The following SPTLC2 variants were observed in gnomAD, a reference collection of about 807,000 sequenced individuals.
SPTLC2 encodes the protein serine palmitoyltransferase 2.
SPTLC2 carries 21 observed loss-of-function variants against 62.0 expected under a neutral mutation model. The ratio of observed to expected loss-of-function variants is 0.34; its 90% CI spans 0.24 to 0.49. SPTLC2 has a LOEUF of 0.49. Ranked by LOEUF, SPTLC2 falls within the 20% of genes least tolerant of loss-of-function variation. The pLI, the probability that SPTLC2 is intolerant of heterozygous loss-of-function variation, is 0.99. For missense variants in SPTLC2, 511 were observed against 713.0 expected (o/e 0.72, Z 3.23); for synonymous variants, 261 against 261.8 (o/e 1.00, Z 0.03).
intron 7 of SPTLC2, among the ~76,000 whole-genome samples, chr14:77,556,478 C>T (rs773454428): frequency 1.4e-5 from 2 of 142,454 alleles, no homozygotes; most frequent in Non-Finnish European, 3.1e-5. Flanking sequence ...TAAAATGACA[C>T]AAAAGAACAA....
At position 77,509,963 on chromosome 14, in the gene SPTLC2, CAGGTA is replaced by C; in HGVS notation, c.*2316_*2320del. ...ATGCAAGCCAAAATAAAAAGACTAG[CAGGTA>C]AGTTCATTGCTTATAAGTTTGTGAC... On this transcript the variant is annotated 3_prime_UTR_variant, in exon 12 of 12. Transcript: ENST00000216484. 2.5e-6 allele frequency: 1 copy of C among 398,366 alleles called. No individual in the cohort carries two copies. The highest frequency in any genetic ancestry group is 4.4e-6 in the Non-Finnish European group (1 of 225,968). 24.7% of individuals were successfully genotyped at this position (398,366 alleles called of 1,614,324 possible). A position where few individuals can be genotyped will look rare whatever the true frequency, so the allele number is the denominator to read the frequency against.
chr14:77,581,408 T>TTTC (rs2079750099), intron 2 of SPTLC2, among the ~76,000 whole-genome samples: 1 of 141,588 alleles, frequency 7.1e-6, no homozygotes, highest in South Asian at 2.3e-4. Context: ...CATCTCTCTT[T>TTTC]TTTTTTTTTT....
At chr14:77,579,714 C>G (rs1056246799) in intron 2 of SPTLC2, among the ~76,000 whole-genome samples, 9 of 152,206 alleles carry the variant, frequency 5.9e-5, no homozygotes, top group African/African-American at 2.2e-4. Context: ...CCACTGTACT[C>G]CAAGCTGGAT....
At chr14:77,585,241 A>AT (rs2079774825) in intron 2 of SPTLC2, among the ~76,000 whole-genome samples, 1 of 152,260 alleles carries the variant, frequency 6.6e-6, no homozygotes, top group Non-Finnish European at 1.5e-5. Context: ...CGTGGTCATT[A>AT]TAATTATTGT....
At chr14:77,610,067 T>A (rs1372709018) in intron 1 of SPTLC2, among the ~76,000 whole-genome samples, 2 of 152,202 alleles carry the variant, frequency 1.3e-5, no homozygotes, top group African/African-American at 4.8e-5. Flanking sequence ...TTTCTCTATA[T>A]CCTCATGAAC....
At chr14:77,557,747 A>G (rs1448278983) in intron 6 of SPTLC2, among the ~76,000 whole-genome samples, 1 of 152,180 alleles carries the variant, frequency 6.6e-6, no homozygotes, top group Non-Finnish European at 1.5e-5. Context: ...AAGCCTGACA[A>G]TCAGTTGAAA....
At chr14:77,615,089 T>C (rs1339597901) in intron 1 of SPTLC2, among the ~76,000 whole-genome samples, 1 of 152,206 alleles carries the variant, frequency 6.6e-6, no homozygotes, top group Non-Finnish European at 1.5e-5. Flanking sequence ...CCACAACAAT[T>C]TTGTCTTATA....
intron 9 of SPTLC2, among the ~76,000 whole-genome samples, chr14:77,530,228 T>C (rs1374838078): frequency 6.6e-6 from 1 of 152,076 alleles, no homozygotes; most frequent in Non-Finnish European, 1.5e-5. Flanking sequence ...TGAAATCAGG[T>C]AATGCTTTCA....
At chr14:77,600,395 G>A (rs1431839928) in intron 1 of SPTLC2, among the ~76,000 whole-genome samples, 1 of 152,158 alleles carries the variant, frequency 6.6e-6, no homozygotes, top group Non-Finnish European at 1.5e-5. Flanking sequence ...CAACTGACAC[G>A]CGAGCCTCTC....
At chr14:77,547,372 A>G (rs777157973) in intron 9 of SPTLC2, among the ~76,000 whole-genome samples, 1 of 152,160 alleles carries the variant, frequency 6.6e-6, no homozygotes, top group African/African-American at 2.4e-5. Flanking sequence ...ACAACAAAGA[A>G]GAAAGTCAAC....
intron 2 of SPTLC2, among the ~76,000 whole-genome samples, chr14:77,594,451 T>C (rs2079834956): frequency 6.6e-6 from 1 of 152,214 alleles, no homozygotes; most frequent in Non-Finnish European, 1.5e-5. Context: ...ACAAGCTGTA[T>C]GAAAAATCCC....
At chr14:77,592,931 G>C (rs1264919678) in intron 2 of SPTLC2, among the ~76,000 whole-genome samples, 1 of 151,958 alleles carries the variant, frequency 6.6e-6, no homozygotes, top group African/African-American at 2.4e-5. Context: ...GTGAAACCTT[G>C]TATCTACTAA....
At chr14:77,567,350 G>A (rs569833823) in intron 5 of SPTLC2, among the ~76,000 whole-genome samples, 2 of 152,212 alleles carry the variant, frequency 1.3e-5, no homozygotes, top group Non-Finnish European at 2.9e-5. Context: ...AGCATACAGA[G>A]AGAAGAGCAA....
intron 3 of SPTLC2, among the ~76,000 whole-genome samples, chr14:77,578,231 A>G (rs1466312504): frequency 6.6e-6 from 1 of 152,190 alleles, no homozygotes; most frequent in Non-Finnish European, 1.5e-5. Flanking sequence ...GTAAGTAAAA[A>G]CACTCTACAT....
chr14:77,513,932 G>A (rs116164042), intron 11 of SPTLC2, among the ~76,000 whole-genome samples: 10,829 of 150,566 alleles, frequency 0.072, 531 homozygotes, highest in Admixed American at 0.16. Flanking sequence ...TGAACACGGT[G>A]GCTCAAGCCT....
chr14:77,529,625 T>TC (rs1165574258), intron 9 of SPTLC2, among the ~76,000 whole-genome samples: 2 of 89,362 alleles, frequency 2.2e-5, no homozygotes, highest in Non-Finnish European at 2.2e-5. Context: ...TCTTTCTTTT[T>TC]TTTTTTTTTT....
At chr14:77,608,035 C>G (rs935344760) in intron 1 of SPTLC2, among the ~76,000 whole-genome samples, 4 of 152,200 alleles carry the variant, frequency 2.6e-5, no homozygotes, top group African/African-American at 9.6e-5. Context: ...CGGCGTCTCA[C>G]AGCTGAAGCC....
chr14:77,616,622 G>T lies in SPTLC2; in HGVS notation c.-43C>A. ...GCGCAAGGCAGGCTCTGTAGGCGGT[G>T]GCAGCGGCGGCGGCTGCTCCAAGTC... On this transcript the variant is annotated 5_prime_UTR_variant, in exon 1 of 12. Transcript: ENST00000216484. The T allele has an allele frequency of 6.6e-7, 1 of 1,523,414 alleles. No individual in the cohort carries two copies. Among genetic ancestry groups the T allele is most frequent in the South Asian group, 1.2e-5 (1 of 83,858 alleles). 94.4% of individuals were successfully genotyped at this position (1,523,414 alleles called of 1,614,324 possible).
chr14:77,576,962 ACT>A (rs1178253364), intron 3 of SPTLC2, 47 bp from the exon 4 acceptor site: 2 of 1,606,830 alleles, frequency 1.2e-6, no homozygotes, highest in Admixed American at 3.3e-5. Flanking sequence ...GCAAAAAAGT[ACT>A]TACATGTAAT....
Sources: allele counts gnomAD v4.1 joint callset (sites outside exome capture counted in the v4.1 genomes callset), GRCh38; gene constraint gnomAD v4.1.1; transcripts MANE v1.5; gene names NCBI Gene and HGNC (gene_info 2026-07-23, HGNC 2026-07-21).